EPB41L5: variants seen among roughly 807,000 people sequenced by gnomAD.
The protein encoded by EPB41L5 is band 4.1-like protein 5.
EPB41L5 carries 55 observed loss-of-function variants against 106.6 expected under a neutral mutation model. The ratio of observed to expected loss-of-function variants is 0.52; its 90% confidence interval spans 0.42 to 0.65. EPB41L5 has a LOEUF of 0.65. EPB41L5 is among the 30% of genes least tolerant of loss of function. The pLI is 0.00. For missense variants in EPB41L5, 871 were observed against 882.1 expected, an observed-to-expected ratio of 0.99 and a Z score of 0.16; for synonymous variants, 297 against 306.7, an observed-to-expected ratio of 0.97 and a Z score of 0.33.
At chr2:120,150,204 A>G (rs1362475732) in intron 20 of EPB41L5, among the ~76,000 whole-genome samples, 1 of 152,054 alleles carries the variant, frequency 6.6e-6, no homozygotes, top group Non-Finnish European at 1.5e-5. Flanking sequence ...GCCTCAGTGT[A>G]CTTTTGATTT....
intron 22 of EPB41L5, among the ~76,000 whole-genome samples, chr2:120,166,505 C>T (rs146230645): frequency 6.6e-6 from 1 of 150,772 alleles, no homozygotes; most frequent in Non-Finnish European, 1.5e-5. Context: ...CCAGGAGTAG[C>T]GTGATCTCAG....
At chr2:120,170,947 G>C (rs965176275) in intron 24 of EPB41L5, among the ~76,000 whole-genome samples, 1 of 152,174 alleles carries the variant, frequency 6.6e-6, no homozygotes, top group Non-Finnish European at 1.5e-5. Flanking sequence ...TATTCAATTT[G>C]CAAAAAGTTG....
Position 120,019,168 on chromosome 2 carries a change from C to T in EPB41L5, c.84C>T (p.Arg28=), listed in dbSNP as rs371223822. Residue 28 remains arginine (R), a synonymous_variant, in exon 2 of 25, where the codon CGC becomes CGT. Transcript: ENST00000263713. ...AEKERLREAQ[R]AATHIPAAGD... ...AGGAACGACTCCGAGAAGCACAACG[C>T]GCCGCCACACATATTCCTGCAGCTG... The T allele has an allele frequency of 9.9e-6, 16 of 1,613,934 alleles. No homozygotes were observed. Among genetic ancestry groups the T allele is most frequent in the South Asian group, 2.2e-5 (2 of 91,064 alleles).
At chr2:120,145,082 C>T (rs1574751198) in intron 19 of EPB41L5, among the ~76,000 whole-genome samples, 1 of 152,196 alleles carries the variant, frequency 6.6e-6, no homozygotes, top group Non-Finnish European at 1.5e-5. Context: ...AAATTAAACA[C>T]TGACCATCCC....
chr2:120,028,128 T>A (rs998482887), intron 2 of EPB41L5, among the ~76,000 whole-genome samples: 1 of 152,104 alleles, frequency 6.6e-6, no homozygotes, highest in Non-Finnish European at 1.5e-5. Context: ...CCTCCCAAAG[T>A]GCTGGGATTA....
chr2:120,091,482 T>C (rs745680988), intron 12 of EPB41L5, 73 bp from the exon 13 acceptor site: 44 of 986,602 alleles, frequency 4.5e-5, no homozygotes, highest in Middle Eastern at 2.2e-4. Flanking sequence ...AACCTGAATG[T>C]GGACTGTCTT....
intron 2 of EPB41L5, among the ~76,000 whole-genome samples, chr2:120,020,684 A>T (rs1677859652): frequency 6.6e-6 from 1 of 152,152 alleles, no homozygotes; most frequent in Non-Finnish European, 1.5e-5. Flanking sequence ...TTAAAATATC[A>T]TTGGATATGT....
chr2:120,029,100 G>A (rs1678532552), intron 2 of EPB41L5, among the ~76,000 whole-genome samples: 1 of 152,160 alleles, frequency 6.6e-6, no homozygotes, highest in African/African-American at 2.4e-5. Flanking sequence ...GAGAATGGCT[G>A]GTTAGGGCAG....
chr2:120,127,937 T>C (rs1317873418), intron 17 of EPB41L5, 86 bp downstream of exon 17: 3 of 1,262,538 alleles, frequency 2.4e-6, no homozygotes, highest in Non-Finnish European at 3.2e-6. Context: ...CCAATAATAT[T>C]TTTTGTACTA....
At chr2:120,045,402 A>G (rs569969859) in intron 3 of EPB41L5, among the ~76,000 whole-genome samples, 7 of 152,332 alleles carry the variant, frequency 4.6e-5, no homozygotes, top group Non-Finnish European at 4.4e-5. Context: ...AGTTGCAAGG[A>G]TGGTATAAAT....
chr2:120,072,620 G>A (rs1483584609), intron 3 of EPB41L5, among the ~76,000 whole-genome samples: 1 of 152,190 alleles, frequency 6.6e-6, no homozygotes, highest in East Asian at 1.9e-4. Flanking sequence ...ATGAGTTCAT[G>A]TCCTTTGCAG....
chr2:120,083,636 T>C (rs536598010), intron 10 of EPB41L5, among the ~76,000 whole-genome samples: 2 of 152,332 alleles, frequency 1.3e-5, no homozygotes, highest in South Asian at 4.1e-4. Flanking sequence ...GATGCAGAGC[T>C]GAGTTCAATT....
At chr2:120,042,519 A>G (rs954604894) in intron 3 of EPB41L5, among the ~76,000 whole-genome samples, 56 of 152,208 alleles carry the variant, frequency 3.7e-4, no homozygotes, top group East Asian at 1.9e-4. Context: ...GGATATCTCT[A>G]AGTTCCCTTT....
intron 23 of EPB41L5, among the ~76,000 whole-genome samples, 179 bp from the exon 24 acceptor site, chr2:120,167,698 C>T (rs998385318): frequency 2.0e-5 from 3 of 152,168 alleles, no homozygotes; most frequent in African/African-American, 7.2e-5. Context: ...AGGATGCTGG[C>T]AGAAACAAAA....
chr2:120,151,172 T>C (rs1004612776), intron 20 of EPB41L5, among the ~76,000 whole-genome samples: 1 of 151,846 alleles, frequency 6.6e-6, no homozygotes, highest in East Asian at 1.9e-4. Flanking sequence ...ATTAGCCGGG[T>C]GCCTGTAGTC....
chr2:120,018,356 A>G (rs545324555), intron 1 of EPB41L5, among the ~76,000 whole-genome samples: 3 of 152,216 alleles, frequency 2.0e-5, no homozygotes, highest in South Asian at 2.1e-4. Context: ...TAATTTATCT[A>G]TTTAGAAGAC....
At chr2:120,027,815 T>C (rs1344064230) in intron 2 of EPB41L5, among the ~76,000 whole-genome samples, 1 of 152,168 alleles carries the variant, frequency 6.6e-6, no homozygotes, top group Admixed American at 6.5e-5. Flanking sequence ...TTTGAATGGG[T>C]GAAGGTATGT....
chr2:120,030,580 G>A (rs1397505963), intron 2 of EPB41L5, among the ~76,000 whole-genome samples: 1 of 152,174 alleles, frequency 6.6e-6, no homozygotes, highest in Admixed American at 6.5e-5. Flanking sequence ...TTGAGGCGGA[G>A]TCTGGCTCTG....
In EPB41L5 at chr2:120,040,393, G is replaced by A. The variant is rs116577500; in HGVS notation, c.181-1613G>A. On this transcript the variant is annotated intron_variant, in intron 2 of 24. Coordinates refer to ENST00000263713, the MANE Select transcript of EPB41L5 (RefSeq NM_020909.4). The stretch of plus-strand genomic sequence containing the variant: ...CAGTGTTGACTGCAAGAAGATAATG[G>A]AATAAATTTTTTTTGAGTATGGAGA... 3.4e-3 allele frequency among the ~76,000 whole-genome samples: 514 copies of A among 152,248 alleles called. 1 individual carries two copies. The highest frequency in any genetic ancestry group is 0.012 in the African/African-American group (487 of 41,524).
Sources: allele counts gnomAD v4.1 joint callset (sites outside exome capture counted in the v4.1 genomes callset), GRCh38; gene constraint gnomAD v4.1.1; transcripts MANE v1.5; gene names NCBI Gene and HGNC (gene_info 2026-07-23, HGNC 2026-07-21).